Variants in HMGN5 observed in about 807,000 individuals in gnomAD.
The protein encoded by HMGN5 is high mobility group nucleosome-binding domain-containing protein 5.
In HMGN5, 4 loss-of-function variants were observed where a neutral mutation model predicts 9.5. That is an observed-to-expected ratio of 0.42 (90% CI 0.21 to 0.96). HMGN5 has a LOEUF of 0.96. Ranked by LOEUF, HMGN5 falls within the 40% of genes least tolerant of loss-of-function variation. The probability of loss-of-function intolerance (pLI) is 0.30; values close to 1 mark genes in which losing one functional copy is unlikely to be tolerated. For missense variants in HMGN5, 192 were observed against 187.5 expected, an observed-to-expected ratio of 1.02 and a Z score of -0.14; for synonymous variants, 55 against 57.1, an observed-to-expected ratio of 0.96 and a Z score of 0.16.
chrX:81,177,754 A>C (rs2075447635), intron 1 of HMGN5, among the ~76,000 whole-genome samples: 1 of 111,679 alleles, frequency 9.0e-6, no homozygotes, highest in South Asian at 3.7e-4. Flanking sequence ...AAATCAACAT[A>C]ATATACATTT....
chrX:81,122,820 G>C (rs1361384717), intron 1 of HMGN5, among the ~76,000 whole-genome samples: 1 of 110,608 alleles, frequency 9.0e-6, no homozygotes, highest in Non-Finnish European at 1.9e-5. Context: ...GAGACCTAAA[G>C]TTTTCAGGGT....
intron 1 of HMGN5, among the ~76,000 whole-genome samples, chrX:81,125,597 G>C (rs2075281085): frequency 8.9e-6 from 1 of 111,927 alleles, no homozygotes; most frequent in South Asian, 3.7e-4. Context: ...ATGACAGATA[G>C]ATTATTTTTC....
intron 1 of HMGN5, among the ~76,000 whole-genome samples, chrX:81,183,526 G>A (rs1223579373): frequency 8.9e-6 from 1 of 112,864 alleles, no homozygotes; most frequent in Non-Finnish European, 1.9e-5. Flanking sequence ...AGCCATGGTG[G>A]CTTCCATGTT....
chrX:81,201,878 C>G lies in HMGN5; in HGVS notation c.-265G>C. 3.5e-6 allele frequency: 1 copy of G among 283,912 alleles called. No individual in the cohort carries two copies. Among genetic ancestry groups the G allele is most frequent in the East Asian group, 7.6e-5 (1 of 13,098 alleles). 23.4% of individuals were successfully genotyped at this position (283,912 alleles called of 1,213,427 possible). On this transcript the variant is annotated 5_prime_UTR_variant, in exon 1 of 7. Transcript: ENST00000358130. ...GTTCTCCTTTTTCTTTCTTCTTCTC[C>G]TCGCCCTCTTCTCAGGGAAGGAATC...
intron 1 of HMGN5, among the ~76,000 whole-genome samples, chrX:81,186,229 A>T (rs1365880680): frequency 9.0e-6 from 1 of 111,486 alleles, no homozygotes; most frequent in Non-Finnish European, 1.9e-5. Context: ...CAGCAGTGAA[A>T]CCATTGGGTG....
At chrX:81,177,984 A>G (rs762604095) in intron 1 of HMGN5, among the ~76,000 whole-genome samples, 30 of 112,240 alleles carry the variant, frequency 2.7e-4, no homozygotes, top group African/African-American at 7.4e-4. Context: ...TAATGAAATG[A>G]AGGCAGAAAT....
chrX:81,157,626 C>G (rs1602570902), intron 1 of HMGN5, among the ~76,000 whole-genome samples: 2 of 111,201 alleles, frequency 1.8e-5, no homozygotes, highest in South Asian at 3.8e-4. Context: ...TAATACTAAT[C>G]CAACATAGGT....
At chrX:81,126,089 A>C (rs1237737178) in intron 1 of HMGN5, among the ~76,000 whole-genome samples, 1 of 103,270 alleles carries the variant, frequency 9.7e-6, no homozygotes, top group African/African-American at 3.6e-5. Flanking sequence ...CAGAGGTTGC[A>C]ATGAGCCGAG....
intron 3 of HMGN5, among the ~76,000 whole-genome samples, chrX:81,119,293 G>C (rs933517078): frequency 2.7e-5 from 3 of 111,354 alleles, no homozygotes; most frequent in Admixed American, 1.9e-4. Context: ...TATAATTGTC[G>C]CACAACAATG....
intron 1 of HMGN5, among the ~76,000 whole-genome samples, chrX:81,148,717 T>G (rs1031029076): frequency 9.0e-6 from 1 of 110,872 alleles, no homozygotes; most frequent in African/African-American, 3.3e-5. Context: ...GGAGAAAAAT[T>G]TTGCAATCTA....
intron 1 of HMGN5, among the ~76,000 whole-genome samples, chrX:81,130,332 A>G (rs1178179882): frequency 2.7e-5 from 3 of 111,689 alleles, no homozygotes; most frequent in Admixed American, 1.9e-4. Context: ...TGCACTTATC[A>G]GGATCTTACC....
chrX:81,128,439 A>T (rs970825803), intron 1 of HMGN5, among the ~76,000 whole-genome samples: 2 of 111,543 alleles, frequency 1.8e-5, no homozygotes, highest in Middle Eastern at 4.7e-3. Context: ...TAATATTTTT[A>T]AAAATATGCT....
intron 1 of HMGN5, among the ~76,000 whole-genome samples, chrX:81,121,880 C>G (rs975504175): frequency 8.9e-6 from 1 of 112,426 alleles, no homozygotes; most frequent in Non-Finnish European, 1.9e-5. Flanking sequence ...GGTGTAGTGG[C>G]GGAGCACGCG....
intron 1 of HMGN5, among the ~76,000 whole-genome samples, chrX:81,136,234 T>C (rs1204600627): frequency 2.7e-5 from 3 of 111,897 alleles, no homozygotes; most frequent in African/African-American, 6.5e-5. Flanking sequence ...TTTAAATGAG[T>C]GAATTATATG....
intron 1 of HMGN5, among the ~76,000 whole-genome samples, chrX:81,189,153 A>G (rs2075486905): frequency 8.9e-6 from 1 of 111,764 alleles, no homozygotes; most frequent in Non-Finnish European, 1.9e-5. Context: ...ATTCTAGAGT[A>G]AAAGTTTTCT....
intron 1 of HMGN5, among the ~76,000 whole-genome samples, chrX:81,184,817 G>A (rs779138650): frequency 7.2e-5 from 8 of 111,280 alleles, no homozygotes; most frequent in South Asian, 3.8e-4. Flanking sequence ...GCAAGAGAGC[G>A]GGACCTAGTT....
chrX:81,153,532 T>A (rs1236463480), intron 1 of HMGN5, among the ~76,000 whole-genome samples: 1 of 79,313 alleles, frequency 1.3e-5, no homozygotes, highest in Non-Finnish European at 2.4e-5. Context: ...CCAGCCTGGG[T>A]GACAGAGCGA....
chrX:81,140,378 G>A (rs1262753410), intron 1 of HMGN5, among the ~76,000 whole-genome samples: 3 of 109,856 alleles, frequency 2.7e-5, no homozygotes, highest in African/African-American at 9.9e-5. Context: ...GGCTAACAAG[G>A]TGAAACCCCG....
chrX:81,188,081 T>G (rs187720145), intron 1 of HMGN5, among the ~76,000 whole-genome samples: 4 of 109,445 alleles, frequency 3.7e-5, no homozygotes, highest in Admixed American at 2.9e-4. Flanking sequence ...GTCTATGTCT[T>G]GAAAAGTTGT....
Sources: allele counts gnomAD v4.1 joint callset (sites outside exome capture counted in the v4.1 genomes callset), GRCh38; gene constraint gnomAD v4.1.1; transcripts MANE v1.5; gene names NCBI Gene and HGNC (gene_info 2026-07-23, HGNC 2026-07-21).